MVB12B: variants seen among roughly 807,000 people sequenced by gnomAD.
MVB12B encodes ESCRT-I complex subunit MVB12B.
Under a neutral mutation model 41.6 loss-of-function variants are expected in MVB12B, and 16 were observed. The ratio of observed to expected loss-of-function variants is 0.38; its 90% CI spans 0.26 to 0.58. The LOEUF is 0.58. MVB12B is among the 20% of genes least tolerant of loss of function. MVB12B has a pLI of 0.62. For missense variants in MVB12B, 274 were observed against 380.2 expected (o/e 0.72, Z 2.32); for synonymous variants, 133 against 139.7 (o/e 0.95, Z 0.34).
chr9:126,363,333 T>G (rs777128675), intron 2 of MVB12B, among the ~76,000 whole-genome samples: 1 of 152,188 alleles, frequency 6.6e-6, no homozygotes, highest in Non-Finnish European at 1.5e-5. Flanking sequence ...ATTTATGAGG[T>G]ATGTATATGA....
Position 126,459,795 on chromosome 9 carries a change from C to T in MVB12B, c.758-21574C>T, listed in dbSNP as rs1833052644. ...GCCCCGCTCACTTGGACCTGCCACT[C>T]TCCCACAGGGGCCGCTTGTCTCACA... On this transcript the variant is annotated intron_variant, in intron 7 of 9. Coordinates refer to ENST00000361171, the MANE Select transcript of MVB12B (RefSeq NM_033446.3). This position sits in a 1 kb window ranked among gnomAD's most constrained non-coding sequence, Gnocchi z 4.3. Among the ~76,000 whole-genome samples the T allele has an allele frequency of 6.6e-6, 1 of 152,198 alleles. No individual in the cohort carries two copies. Among genetic ancestry groups the T allele is most frequent in the Admixed American group, 6.5e-5 (1 of 15,276 alleles).
At chr9:126,442,634 C>G (rs1311161656) in intron 7 of MVB12B, among the ~76,000 whole-genome samples, 1 of 152,088 alleles carries the variant, frequency 6.6e-6, no homozygotes, top group Non-Finnish European at 1.5e-5. Context: ...TGGCTGGAAC[C>G]CTGCTCCTTG....
At chr9:126,483,207 G>A (rs1262532379) in intron 8 of MVB12B, among the ~76,000 whole-genome samples, 1 of 152,178 alleles carries the variant, frequency 6.6e-6, no homozygotes, top group Admixed American at 6.5e-5. Flanking sequence ...CTCAGACCAG[G>A]AGCCACATGG....
chr9:126,399,514 A>G (rs1831210004), intron 6 of MVB12B, among the ~76,000 whole-genome samples: 1 of 152,192 alleles, frequency 6.6e-6, no homozygotes, highest in Non-Finnish European at 1.5e-5. Context: ...GCAGGGGGCC[A>G]AGAGAGGAAA....
chr9:126,383,937 T>C (rs768189103), intron 3 of MVB12B, among the ~76,000 whole-genome samples: 1 of 151,654 alleles, frequency 6.6e-6, no homozygotes, highest in African/African-American at 2.4e-5. Context: ...GTGAGGTCAC[T>C]AAGTGGTTTG....
rs1830875162 is a variant in MVB12B at position 126,389,068 on chromosome 9, G to A, written c.409+2410G>A. Among the ~76,000 whole-genome samples the A allele has an allele frequency of 6.6e-6, 1 of 152,242 alleles. No individual in the cohort carries two copies. The highest frequency in any genetic ancestry group is 2.4e-5 in the African/African-American group (1 of 41,464). The stretch of plus-strand genomic sequence containing the variant: ...TCCTGTCTGGGCTTGGGGCCCAGCT[G>A]CTGTGGGGCCCAGGGGTCCTGGTTG... On this transcript the variant is annotated intron_variant, in intron 4 of 9. Coordinates refer to ENST00000361171, the MANE Select transcript of MVB12B (RefSeq NM_033446.3). This position sits in a 1 kb window ranked among gnomAD's most constrained non-coding sequence, Gnocchi z 4.4.
intron 2 of MVB12B, among the ~76,000 whole-genome samples, chr9:126,341,673 G>A (rs1427084758): frequency 6.6e-6 from 1 of 152,196 alleles, no homozygotes; most frequent in Non-Finnish European, 1.5e-5. Flanking sequence ...ATAATTCTTT[G>A]CTATATGTTT....
At chr9:126,419,974 TC>T (rs550270059) in intron 6 of MVB12B, among the ~76,000 whole-genome samples, 468 of 152,240 alleles carry the variant, frequency 3.1e-3, no homozygotes, top group Admixed American at 5.5e-3. Flanking sequence ...TGGCGCCCTT[TC>T]CATCTGGCCC....
chr9:126,440,129 T>C (rs1187005610), intron 7 of MVB12B, among the ~76,000 whole-genome samples: 2 of 151,994 alleles, frequency 1.3e-5, no homozygotes, highest in African/African-American at 4.8e-5. Flanking sequence ...CACTCGAGGG[T>C]CAGCGCGAGC....
chr9:126,436,522 A>G lies in MVB12B; in HGVS notation c.757+14574A>G, dbSNP rs1832483035. 6.6e-6 allele frequency among the ~76,000 whole-genome samples: 1 copy of G among 152,248 alleles called. No homozygotes were observed. The highest frequency in any genetic ancestry group is 1.5e-5 in the Non-Finnish European group (1 of 68,040). On this transcript the variant is annotated intron_variant, in intron 7 of 9. Coordinates refer to ENST00000361171, the MANE Select transcript of MVB12B (RefSeq NM_033446.3). This position sits in a 1 kb window ranked among gnomAD's most constrained non-coding sequence, Gnocchi z 4.1. ...CACTTAGTATAAAAGTGAAAAGGTT[A>G]CGTGTACTAGTTTGAGTATACCTAT...
chr9:126,430,532 G>A (rs1335931178), intron 7 of MVB12B, among the ~76,000 whole-genome samples: 1 of 151,846 alleles, frequency 6.6e-6, no homozygotes, highest in Non-Finnish European at 1.5e-5. Flanking sequence ...AGCACCTTGA[G>A]TGAGAGGGCA....
At chr9:126,487,455 G>A (rs1301616940) in intron 9 of MVB12B, among the ~76,000 whole-genome samples, 2 of 152,202 alleles carry the variant, frequency 1.3e-5, no homozygotes, top group African/African-American at 2.4e-5. Flanking sequence ...GTTTAGTGAC[G>A]GGTTAAAAGA....
Position 126,330,326 on chromosome 9 carries a change from T to TAC in MVB12B, c.81+3325_81+3326dup, listed in dbSNP as rs1181373665. Among the ~76,000 whole-genome samples the TAC allele has an allele frequency of 8.4e-3, 765 of 90,800 alleles. 4 individuals carry two copies. The highest frequency in any genetic ancestry group is 0.014 in the Non-Finnish European group (591 of 40,972). 59.6% of individuals were successfully genotyped at this position (90,800 alleles called of 152,430 possible). A position where few individuals can be genotyped will look rare whatever the true frequency, so the allele number is the denominator to read the frequency against. On this transcript the variant is annotated intron_variant, in intron 1 of 9. Coordinates refer to ENST00000361171, the MANE Select transcript of MVB12B (RefSeq NM_033446.3). Reference sequence around the variant, plus strand: ...CTTTACACACACACACACACACACATACACACACACTTAAAAAAAACAGAT... The same window carrying TAC: ...CTTTACACACACACACACACACACATACACACACACACTTAAAAAAAACAGAT...
chr9:126,393,839 C>T (rs867404484), intron 5 of MVB12B, among the ~76,000 whole-genome samples: 17 of 152,368 alleles, frequency 1.1e-4, no homozygotes, highest in Middle Eastern at 6.8e-3. Flanking sequence ...CTGTCCTCCT[C>T]GGCTTCTGAG....
At chr9:126,408,962 C>T (rs1831533124) in intron 6 of MVB12B, among the ~76,000 whole-genome samples, 1 of 152,146 alleles carries the variant, frequency 6.6e-6, no homozygotes, top group Non-Finnish European at 1.5e-5. Flanking sequence ...TCCCGCAGCG[C>T]CCACCTTCTC....
At chr9:126,433,076 C>T (rs1832372657) in intron 7 of MVB12B, among the ~76,000 whole-genome samples, 2 of 152,184 alleles carry the variant, frequency 1.3e-5, no homozygotes, top group African/African-American at 4.8e-5. Flanking sequence ...GTGGGGAGCC[C>T]AAGGCCTCCT....
At chr9:126,465,834 A>G (rs958562568) in intron 7 of MVB12B, among the ~76,000 whole-genome samples, 1 of 152,192 alleles carries the variant, frequency 6.6e-6, no homozygotes, top group Non-Finnish European at 1.5e-5. Flanking sequence ...CTTCGCCCCT[A>G]GAATAATCAG....
chr9:126,409,653 G>A (rs1195380074), intron 6 of MVB12B, among the ~76,000 whole-genome samples: 1 of 152,134 alleles, frequency 6.6e-6, no homozygotes, highest in Non-Finnish European at 1.5e-5. Flanking sequence ...TGCAACTCCA[G>A]TCACCAGCAC....
At chr9:126,358,325 A>C (rs1355445768) in intron 2 of MVB12B, among the ~76,000 whole-genome samples, 1 of 151,796 alleles carries the variant, frequency 6.6e-6, no homozygotes, top group African/African-American at 2.4e-5. Flanking sequence ...AAGAATAAGC[A>C]TGTCAATTTT....
Sources: allele counts gnomAD v4.1 joint callset (sites outside exome capture counted in the v4.1 genomes callset), GRCh38; gene constraint gnomAD v4.1.1; non-coding constraint Gnocchi (gnomAD v3.1); transcripts MANE v1.5; gene names NCBI Gene and HGNC (gene_info 2026-07-23, HGNC 2026-07-21).